Variants in FBN1 observed in about 807,000 individuals in gnomAD.
The protein encoded by FBN1 is fibrillin-1.
In FBN1, 29 loss-of-function variants were observed where a neutral mutation model predicts 365.1. The observed-to-expected ratio is 0.08, with a 90% CI of 0.06 to 0.11. The LOEUF (loss-of-function observed/expected upper bound fraction) is 0.11. FBN1 is among the 10% of genes least tolerant of loss of function. The pLI is 1.00. For missense variants in FBN1, 2,476 were observed against 3,703.2 expected (o/e 0.67, Z 8.60); for synonymous variants, 1,210 against 1,270.5 (o/e 0.95, Z 1.01).
chr15:48,454,946 C>T (rs957544737), intron 44 of FBN1, among the ~76,000 whole-genome samples: 141 of 152,226 alleles, frequency 9.3e-4, no homozygotes, highest in African/African-American at 3.2e-3. Flanking sequence ...GGGCAGATTG[C>T]GCCACTGGAG....
intron 2 of FBN1, among the ~76,000 whole-genome samples, chr15:48,613,716 T>C (rs1312807894): frequency 1.3e-5 from 2 of 152,122 alleles, no homozygotes; most frequent in Non-Finnish European, 2.9e-5. Flanking sequence ...TCACTTGAGG[T>C]AATGAATTCA....
chr15:48,542,266 C>G (rs1020108278), intron 6 of FBN1, among the ~76,000 whole-genome samples: 3 of 152,218 alleles, frequency 2.0e-5, no homozygotes, highest in African/African-American at 7.2e-5. Flanking sequence ...TCTCGTCCCT[C>G]CTGCCCAGTC....
chr15:48,607,529 A>G (rs1328084990), intron 4 of FBN1, among the ~76,000 whole-genome samples: 1 of 149,396 alleles, frequency 6.7e-6, no homozygotes, highest in Non-Finnish European at 1.5e-5. Context: ...TATCCTTATA[A>G]AAAAAAAAGG....
intron 62 of FBN1, 98 bp from the exon 63 acceptor site, chr15:48,420,904 A>G (rs1284085372): frequency 1.5e-6 from 2 of 1,377,920 alleles, no homozygotes; most frequent in African/African-American, 2.8e-5. Flanking sequence ...CATCCTACAC[A>G]TTATTCTACC....
At chr15:48,512,498 G>T (rs1214912713) in intron 13 of FBN1, among the ~76,000 whole-genome samples, 1 of 151,962 alleles carries the variant, frequency 6.6e-6, no homozygotes, top group East Asian at 1.9e-4. Context: ...CCTCCAATAG[G>T]CCCCGGTGTG....
intron 10 of FBN1, among the ~76,000 whole-genome samples, chr15:48,518,562 T>C (rs1282696275): frequency 6.6e-6 from 1 of 152,216 alleles, no homozygotes; most frequent in Non-Finnish European, 1.5e-5. Context: ...AAGAATGCCA[T>C]TAAATTCATC....
intron 30 of FBN1, 64 bp downstream of exon 30, chr15:48,485,310 G>A: frequency 6.2e-7 from 1 of 1,612,200 alleles, no homozygotes. Context: ...CCAAAGCCTG[G>A]GCCCTAAACT....
At chr15:48,489,535 T>G (rs1249496648) in intron 25 of FBN1, among the ~76,000 whole-genome samples, 1 of 152,146 alleles carries the variant, frequency 6.6e-6, no homozygotes, top group Non-Finnish European at 1.5e-5. Flanking sequence ...CACCAAGTCC[T>G]TCTTCAGCAA....
Position 48,435,983 on chromosome 15 carries a change from C to T in FBN1, c.6496+978G>A, listed in dbSNP as rs1343856270. Among the ~76,000 whole-genome samples, 5 of 152,060 alleles carry T rather than the reference C, an allele frequency of 3.3e-5. No individual in the cohort carries two copies. The East Asian group carries it at 7.7e-4, about 24-fold the overall frequency. On this transcript the variant is annotated intron_variant, in intron 53 of 65. Transcript: ENST00000316623. ...CTCTTGTCAACAGTTGTTTCTTGTG[C>T]TGAGGTTCTTAAGTCAAAAGTAAAG...
At chr15:48,450,544 T>G (rs572851674) in intron 45 of FBN1, among the ~76,000 whole-genome samples, 1 of 152,206 alleles carries the variant, frequency 6.6e-6, no homozygotes, top group South Asian at 2.1e-4. Flanking sequence ...GAAACCCAAA[T>G]AGTCAACAGA....
intron 6 of FBN1, among the ~76,000 whole-genome samples, chr15:48,563,623 T>C (rs963928898): frequency 2.0e-5 from 3 of 152,200 alleles, no homozygotes; most frequent in African/African-American, 7.2e-5. Context: ...TAGCCAACTC[T>C]CCTGTGCCAT....
chr15:48,480,006 C>A (rs538608778), intron 32 of FBN1, among the ~76,000 whole-genome samples: 1 of 152,258 alleles, frequency 6.6e-6, no homozygotes, highest in East Asian at 1.9e-4. Context: ...CAGCACTGCG[C>A]CAACAGCATT....
At chr15:48,605,926 C>T (rs1229010026) in intron 4 of FBN1, among the ~76,000 whole-genome samples, 2 of 152,044 alleles carry the variant, frequency 1.3e-5, no homozygotes, top group East Asian at 1.9e-4. Flanking sequence ...TATAAAGAGA[C>T]CTTTCACTGA....
At chr15:48,518,002 A>G (rs1566917392) in intron 10 of FBN1, among the ~76,000 whole-genome samples, 1 of 152,198 alleles carries the variant, frequency 6.6e-6, no homozygotes, top group Admixed American at 6.5e-5. Flanking sequence ...TCCATTTCTA[A>G]AATTTCTTCA....
intron 43 of FBN1, 37 bp from the exon 44 acceptor site, chr15:48,456,799 G>GC (rs1389299378): frequency 1.2e-6 from 2 of 1,602,744 alleles, no homozygotes; most frequent in Non-Finnish European, 1.7e-6. Flanking sequence ...TGACAGGACA[G>GC]CACATGATCC....
At chr15:48,620,948 A>G (rs954831269) in intron 2 of FBN1, among the ~76,000 whole-genome samples, 2 of 152,216 alleles carry the variant, frequency 1.3e-5, no homozygotes, top group African/African-American at 4.8e-5. Context: ...GTGCTAAACA[A>G]ACATCCACAC....
intron 2 of FBN1, among the ~76,000 whole-genome samples, chr15:48,617,203 CTCGCTCTG>C (rs960461804): frequency 6.6e-6 from 1 of 151,794 alleles, no homozygotes; most frequent in African/African-American, 2.4e-5. Flanking sequence ...GAGATGGAGT[CTCGCTCTG>C]TCGCCCAGGC....
chr15:48,562,718 G>C (rs1302364820), intron 6 of FBN1, among the ~76,000 whole-genome samples: 1 of 152,162 alleles, frequency 6.6e-6, no homozygotes, highest in Non-Finnish European at 1.5e-5. Flanking sequence ...GGAAAGCTCT[G>C]CCTGCCCATG....
intron 8 of FBN1, among the ~76,000 whole-genome samples, chr15:48,532,641 T>C (rs1395043527): frequency 6.6e-6 from 1 of 152,108 alleles, no homozygotes; most frequent in African/African-American, 2.4e-5. Context: ...CAGTCTTGTC[T>C]GAATGGCCTC....
Sources: gnomAD v4.1 joint callset for allele counts (sites outside exome capture counted in the v4.1 genomes callset) on GRCh38, gnomAD v4.1.1 for gene constraint, MANE v1.5 for transcripts, NCBI Gene and HGNC (gene_info 2026-07-23, HGNC 2026-07-21) for gene names.